The following ATRN variants were observed in gnomAD, a reference collection of about 807,000 sequenced individuals.
The protein encoded by ATRN is attractin.
ATRN carries 54 observed loss-of-function variants against 178.7 expected under a neutral mutation model. The ratio of observed to expected loss-of-function variants is 0.30; its 90% CI spans 0.24 to 0.38. The LOEUF is 0.38. Among genes scored for constraint, ATRN ranks in the 10% least tolerant of loss-of-function variants. The pLI is 1.00. For missense variants in ATRN, 1,443 were observed against 1,815.1 expected, an observed-to-expected ratio of 0.79 and a Z score of 3.73; for synonymous variants, 636 against 663.0, an observed-to-expected ratio of 0.96 and a Z score of 0.63.
intron 9 of ATRN, among the ~76,000 whole-genome samples, 199 bp downstream of exon 9, chr20:3,562,658 G>T (rs7264585): frequency 7.6e-4 from 116 of 152,316 alleles, no homozygotes; most frequent in Non-Finnish European, 1.4e-3. Flanking sequence ...TAATTCTGTA[G>T]CAGGTTGGTT....
At chr20:3,614,014 C>A (rs1379892957) in intron 24 of ATRN, among the ~76,000 whole-genome samples, 1 of 152,128 alleles carries the variant, frequency 6.6e-6, no homozygotes, top group African/African-American at 2.4e-5. Flanking sequence ...GATTCTTTTC[C>A]ATAATTAGGA....
intron 1 of ATRN, among the ~76,000 whole-genome samples, chr20:3,485,359 T>C (rs556372270): frequency 6.6e-6 from 1 of 152,216 alleles, no homozygotes; most frequent in South Asian, 2.1e-4. Context: ...TTGAATATTA[T>C]CAATGTAGGA....
Position 3,632,737 on chromosome 20 carries a change from AC to A in ATRN, c.3864-1573del, listed in dbSNP as rs755379228. Reference sequence around the variant, plus strand: ...TGCTCTGTAATTTGCTTATTTACTTACTGTTTGTCTCCACCTGCTGGAATGT... The same window carrying A: ...TGCTCTGTAATTTGCTTATTTACTTATGTTTGTCTCCACCTGCTGGAATGT... On this transcript the variant is annotated intron_variant, in intron 25 of 28. Transcript: ENST00000262919. This position sits in a 1 kb window ranked among gnomAD's most constrained non-coding sequence, Gnocchi z 4.2. 3.9e-5 allele frequency among the ~76,000 whole-genome samples: 6 copies of A among 152,092 alleles called. No individual in the cohort carries two copies. Among genetic ancestry groups the A allele is most frequent in the Non-Finnish European group, 7.3e-5 (5 of 68,038 alleles).
At chr20:3,566,498 A>C (rs1037219557) in intron 11 of ATRN, among the ~76,000 whole-genome samples, 1 of 152,198 alleles carries the variant, frequency 6.6e-6, no homozygotes, top group African/African-American at 2.4e-5. Context: ...AAGCCATATA[A>C]ATCCTAAGGA....
chr20:3,588,318 G>GT (rs1236038905), intron 18 of ATRN, among the ~76,000 whole-genome samples: 3 of 151,870 alleles, frequency 2.0e-5, no homozygotes, highest in Non-Finnish European at 4.4e-5. Flanking sequence ...TATTTGTTTA[G>GT]TTTTTTTTAT....
At chr20:3,584,132 G>T (rs2086321326) in intron 17 of ATRN, 49 bp downstream of exon 17, 1 of 1,560,966 alleles carries the variant, frequency 6.4e-7, no homozygotes, top group Non-Finnish European at 8.8e-7. Context: ...CTCTGTATAG[G>T]CAACAACTCA....
intron 24 of ATRN, among the ~76,000 whole-genome samples, chr20:3,607,399 C>T (rs2086690088): frequency 6.6e-6 from 1 of 152,210 alleles, no homozygotes; most frequent in Non-Finnish European, 1.5e-5. Flanking sequence ...CCCCCAGCAG[C>T]TGGTAACCAC....
intron 8 of ATRN, among the ~76,000 whole-genome samples, 191 bp downstream of exon 8, chr20:3,561,096 G>A (rs1399348635): frequency 2.0e-5 from 3 of 152,224 alleles, no homozygotes; most frequent in East Asian, 1.9e-4. Flanking sequence ...TGAGGCGGGC[G>A]GATCACCTAA....
At position 3,648,146 on chromosome 20, in the gene ATRN, A is replaced by T. The variant is rs2087120501; in HGVS notation, c.*1299A>T. On this transcript the variant is annotated 3_prime_UTR_variant, in exon 29 of 29. Coordinates refer to ENST00000262919, the MANE Select transcript of ATRN (RefSeq NM_139321.3). The stretch of plus-strand genomic sequence containing the variant: ...GAAGCTGCCCAAAGCCTGGAGAAGG[A>T]CTTGTTTGCCCTCTTTCCCCCAGGA... 6.6e-6 allele frequency: 1 copy of T among 152,112 alleles called. No homozygotes were observed. The highest frequency in any genetic ancestry group is 1.5e-5 in the Non-Finnish European group (1 of 68,034). The allele number at this position is 152,112 out of a possible 1,614,324, so 9.4% of individuals were successfully genotyped here. A position where few individuals can be genotyped will look rare whatever the true frequency, so the allele number is the denominator to read the frequency against.
At chr20:3,594,330 T>C (rs1449894642) in intron 19 of ATRN, 149 bp from the exon 20 acceptor site, 1 of 530,470 alleles carries the variant, frequency 1.9e-6, no homozygotes. Context: ...AGCTGAAAAA[T>C]CATGAATCTT....
At chr20:3,631,722 G>A (rs1312081800) in intron 25 of ATRN, among the ~76,000 whole-genome samples, 2 of 152,200 alleles carry the variant, frequency 1.3e-5, no homozygotes, top group African/African-American at 4.8e-5. Flanking sequence ...AGGTTTCTGA[G>A]TGACACCAGG....
In ATRN at chr20:3,471,261, C is replaced by G. The variant is rs6051882; in HGVS notation, c.154C>G (p.Leu52Val). The G allele has an allele frequency of 1.4e-6, 2 of 1,447,984 alleles. No homozygotes were observed. The highest frequency in any genetic ancestry group is 1.8e-6 in the Non-Finnish European group (2 of 1,110,574). 89.7% of individuals were successfully genotyped at this position (1,447,984 alleles called of 1,614,324 possible). A position where few individuals can be genotyped will look rare whatever the true frequency, so the allele number is the denominator to read the frequency against. ...GGGGGCCGGGCTGCGCCTCCCGCGG[C>G]TGCTGTCTCCACCGCTGCGGCCACG... ...GLGAGLRLPR[L>V]LSPPLRPRLL... The change falls in exon 1 of 29, where the codon CTG becomes GTG. Residue 52 changes from leucine (L) to valine (V), a missense_variant. Coordinates refer to ENST00000262919, the MANE Select transcript of ATRN (RefSeq NM_139321.3).
At position 3,492,168 on chromosome 20, in the gene ATRN, A is replaced by AGTGTGTGTGTGT. The variant is rs58489496; in HGVS notation, c.410+20676_410+20687dup. 7.8e-3 allele frequency among the ~76,000 whole-genome samples: 1,095 copies of AGTGTGTGTGTGT among 140,668 alleles called. 13 individuals are homozygous for AGTGTGTGTGTGT. Among genetic ancestry groups the AGTGTGTGTGTGT allele is most frequent in the Middle Eastern group, 0.021 (6 of 286 alleles). 92.3% of individuals were successfully genotyped at this position (140,668 alleles called of 152,430 possible). ...GTTGAGAGCATATTCTAGATAGGGG[A>AGTGTGTGTGTGT]GTGTGTGTGTGTGTGTGTGTGTGTG... is the stretch of plus-strand genomic sequence containing the variant. On this transcript the variant is annotated intron_variant, in intron 1 of 28. Coordinates refer to ENST00000262919, the MANE Select transcript of ATRN (RefSeq NM_139321.3).
In ATRN at chr20:3,604,089, G is replaced by A. The variant is rs1163135950; in HGVS notation, c.3644-16G>A. ...CCAAAAAATGTCTCTTCTCTTTCAT[G>A]TTTTTCTTTTAACAGCTGGAACCCA... On this transcript the variant is annotated splice_polypyrimidine_tract_variant and intron_variant, in intron 23 of 28. Coordinates refer to ENST00000262919, the MANE Select transcript of ATRN (RefSeq NM_139321.3). 17 of 1,563,642 alleles carry A rather than the reference G, an allele frequency of 1.1e-5. No individual in the cohort carries two copies. The highest frequency in any genetic ancestry group is 1.3e-5 in the Non-Finnish European group (15 of 1,161,640).
At chr20:3,501,472 T>C (rs2084963714) in intron 1 of ATRN, among the ~76,000 whole-genome samples, 1 of 152,188 alleles carries the variant, frequency 6.6e-6, no homozygotes. Flanking sequence ...AAGAATGCTA[T>C]AAGATGATCC....
rs548345935 is a variant in ATRN, at chr20:3,566,724, C to T, written c.1871+1292C>T. Reference sequence around the variant, plus strand: ...TTCCAGACCACCCTGGTCAACATGGCAAAACCCCCGTCTCTTCCTAAAATA... The same window carrying T: ...TTCCAGACCACCCTGGTCAACATGGTAAAACCCCCGTCTCTTCCTAAAATA... On this transcript the variant is annotated intron_variant, in intron 11 of 28. Coordinates refer to ENST00000262919, the MANE Select transcript of ATRN (RefSeq NM_139321.3). Among the ~76,000 whole-genome samples the T allele has an allele frequency of 1.5e-4, 23 of 152,072 alleles. 1 individual carries two copies. The highest frequency in any genetic ancestry group is 1.2e-3 in the Admixed American group (19 of 15,284).
At chr20:3,528,800 G>A (rs944095389) in intron 1 of ATRN, among the ~76,000 whole-genome samples, 2 of 151,964 alleles carry the variant, frequency 1.3e-5, no homozygotes, top group Admixed American at 6.6e-5. Context: ...ACCAGAAAGG[G>A]TACTCAGAAT....
At chr20:3,590,042 C>T (rs1346258787) in intron 18 of ATRN, among the ~76,000 whole-genome samples, 1 of 152,132 alleles carries the variant, frequency 6.6e-6, no homozygotes. Flanking sequence ...CTCTGCCTCC[C>T]GGGTTCAAGC....
chr20:3,565,537 G>T (rs2086021138), intron 11 of ATRN, 105 bp downstream of exon 11: 1 of 910,882 alleles, frequency 1.1e-6, no homozygotes, highest in South Asian at 1.4e-5. Context: ...GGAGGCCGAG[G>T]CGGGTGGAAT....
Sources: allele counts gnomAD v4.1 joint callset (sites outside exome capture counted in the v4.1 genomes callset), GRCh38; gene constraint gnomAD v4.1.1; non-coding constraint Gnocchi (gnomAD v3.1); transcripts MANE v1.5; gene names NCBI Gene and HGNC (gene_info 2026-07-23, HGNC 2026-07-21).